HMCN1: variants seen among roughly 807,000 people sequenced by gnomAD.
HMCN1 encodes the protein hemicentin 1, also known as hemicentin-1.
A neutral mutation model predicts 625.9 loss-of-function variants in HMCN1; 321 were observed. That is an observed-to-expected ratio of 0.51 (90% CI 0.47 to 0.56). HMCN1 has a LOEUF of 0.56. HMCN1 is among the 20% of genes least tolerant of loss of function. HMCN1 has a pLI of 0.00. For synonymous variants in HMCN1, 2,425 were observed against 2,417.6 expected (o/e 1.00, Z -0.09); for missense variants, 6,588 against 6,887.3 (o/e 0.96, Z 1.54).
rs553399524 is a variant in HMCN1 at position 185,908,468 on chromosome 1, G to A, written c.622-869G>A. On this transcript the variant is annotated intron_variant, in intron 4 of 106. Coordinates refer to ENST00000271588, the MANE Select transcript of HMCN1 (RefSeq NM_031935.3). ...TACGTAAACCAGAGAAAGATGAGGT[G>A]ATCAAAGGTTATCATGACTAAAATT... Among the ~76,000 whole-genome samples, 8 of 152,068 alleles carry A rather than the reference G, an allele frequency of 5.3e-5. No individual in the cohort carries two copies. The East Asian group carries it at 1.4e-3, about 26-fold the overall frequency.
At chr1:185,938,736 C>CT (rs200833933) in intron 11 of HMCN1, among the ~76,000 whole-genome samples, 1,678 of 152,208 alleles carry the variant, frequency 0.011, 7 homozygotes, top group Middle Eastern at 0.02. Context: ...CTGATGTTGG[C>CT]TGTGTTCTCA....
At position 186,055,660 on chromosome 1, in the gene HMCN1, A is replaced by T. The variant is rs371803532; in HGVS notation, c.7130A>T (p.Asp2377Val). ...GCAGGAATGACTGACAAAAAATATG[A>T]CTTAAGTGTCCATGGTAAGTAGAAA... ...NVAGMTDKKY[D>V]LSVHAPPSII... The change falls in exon 45 of 107, where the codon GAC becomes GTC. Residue 2377 changes from aspartate (D) to valine (V), a missense_variant. Coordinates refer to ENST00000271588, the MANE Select transcript of HMCN1 (RefSeq NM_031935.3). 1.9e-6 allele frequency: 3 copies of T among 1,612,432 alleles called. No individual in the cohort carries two copies. The African/African-American group carries it at 4.0e-5, about 22-fold the overall frequency.
intron 69 of HMCN1, 109 bp downstream of exon 69, chr1:186,103,777 G>C (rs963269677): frequency 1.3e-5 from 12 of 904,018 alleles, no homozygotes; most frequent in Non-Finnish European, 1.9e-5. Context: ...TCACAGATCT[G>C]TGTAACTGGA....
rs773003794 is a variant in HMCN1 at position 185,864,676 on chromosome 1, A to G, written c.498+48A>G. The G allele has an allele frequency of 1.0e-5, 16 of 1,566,840 alleles. No individual in the cohort carries two copies. In the Admixed American group the frequency reaches 1.7e-4, roughly 17 times the overall value. ...CGTCTCTGTCTAAATGCAGTATGTA[A>G]GAGATTGCCTGTCCTCTTTGACTCT... On this transcript the variant is annotated intron_variant, in intron 3 of 106. Coordinates refer to ENST00000271588, the MANE Select transcript of HMCN1 (RefSeq NM_031935.3).
intron 1 of HMCN1, among the ~76,000 whole-genome samples, chr1:185,743,944 A>G (rs1654173086): frequency 6.6e-6 from 1 of 151,580 alleles, no homozygotes; most frequent in South Asian, 2.1e-4. Flanking sequence ...CTAAAAAATT[A>G]CATAGAAAAA....
intron 11 of HMCN1, among the ~76,000 whole-genome samples, chr1:185,948,453 G>A (rs1345969661): frequency 6.7e-6 from 1 of 149,810 alleles, no homozygotes; most frequent in Non-Finnish European, 1.5e-5. Context: ...TCAAAGGGGG[G>A]TTGTTCTCTG....
chr1:186,063,067 C>CGTATATATATAT (rs1491268573), intron 48 of HMCN1, among the ~76,000 whole-genome samples: 5 of 59,840 alleles, frequency 8.4e-5, no homozygotes, highest in African/African-American at 4.8e-4. Context: ...TGTGTGTGTG[C>CGTATATATATAT]ATATATATAT....
At chr1:185,802,200 G>C (rs1229124855) in intron 1 of HMCN1, among the ~76,000 whole-genome samples, 7 of 152,048 alleles carry the variant, frequency 4.6e-5, no homozygotes, top group Non-Finnish European at 7.4e-5. Context: ...CTAAGTTTTT[G>C]GATTGTGCAA....
chr1:185,810,195 A>C (rs1160607289), intron 1 of HMCN1, among the ~76,000 whole-genome samples: 1 of 152,104 alleles, frequency 6.6e-6, no homozygotes, highest in Non-Finnish European at 1.5e-5. Flanking sequence ...AATCCAATCT[A>C]GTCTCTTTCA....
At chr1:185,796,777 T>G (rs561849061) in intron 1 of HMCN1, among the ~76,000 whole-genome samples, 1 of 152,340 alleles carries the variant, frequency 6.6e-6, no homozygotes, top group East Asian at 1.9e-4. Context: ...CTCCATATCT[T>G]TCCTATTGTG....
chr1:185,989,535 T>G lies in HMCN1; in HGVS notation c.3096T>G (p.Ala1032=). The G allele has an allele frequency of 6.2e-7, 1 of 1,614,084 alleles. No homozygotes were observed. Among genetic ancestry groups the G allele is most frequent in the Non-Finnish European group, 8.5e-7 (1 of 1,179,988 alleles). The change falls in exon 21 of 107, where the codon GCT becomes GCG. Residue 1032 remains alanine, a synonymous_variant. Transcript: ENST00000271588. ...GCAGTGCTAAGTTTTCAGCAGGAGC[T>G]GATGGTAGTCTGTATGTGGTATCAC... The part of the protein sequence containing the change: ...STSSAKFSAG[A]DGSLYVVSPG...
chr1:185,964,039 A>G (rs1460299688), intron 13 of HMCN1, 144 bp downstream of exon 13: 2 of 723,874 alleles, frequency 2.8e-6, no homozygotes, highest in Non-Finnish European at 4.6e-6. Context: ...GATTGAAGCA[A>G]ATATTGTAAC....
At chr1:186,078,685 T>C (rs193263937) in intron 55 of HMCN1, among the ~76,000 whole-genome samples, 5 of 152,340 alleles carry the variant, frequency 3.3e-5, no homozygotes, top group African/African-American at 9.6e-5. Context: ...GTATTTACAA[T>C]TGAAGCCCTA....
intron 1 of HMCN1, among the ~76,000 whole-genome samples, chr1:185,785,592 C>G (rs543670387): frequency 6.6e-6 from 1 of 152,254 alleles, no homozygotes; most frequent in African/African-American, 2.4e-5. Context: ...CTTCTCTTCA[C>G]CCATGTTTTA....
chr1:185,759,083 C>T (rs530458956), intron 1 of HMCN1, among the ~76,000 whole-genome samples: 39 of 152,320 alleles, frequency 2.6e-4, no homozygotes, highest in Non-Finnish European at 2.8e-4. Context: ...AAAGCAATAG[C>T]TGTACTAGAA....
At chr1:185,825,308 C>CT (rs1660448812) in intron 1 of HMCN1, among the ~76,000 whole-genome samples, 1 of 152,036 alleles carries the variant, frequency 6.6e-6, no homozygotes, top group Admixed American at 6.6e-5. Context: ...AAATTCAGTG[C>CT]TTTTTCTATT....
intron 44 of HMCN1, among the ~76,000 whole-genome samples, chr1:186,054,279 A>G (rs550254905): frequency 1.3e-5 from 2 of 152,096 alleles, no homozygotes; most frequent in Non-Finnish European, 2.9e-5. Flanking sequence ...AAGGGGGAGC[A>G]TTTTAACATA....
At chr1:186,083,168 A>G (rs1228978942) in intron 57 of HMCN1, among the ~76,000 whole-genome samples, 1 of 152,136 alleles carries the variant, frequency 6.6e-6, no homozygotes, top group East Asian at 1.9e-4. Context: ...TTTTTATATT[A>G]CTTCAGTGTC....
At chr1:186,088,961 A>C (rs1659687514) in intron 63 of HMCN1, among the ~76,000 whole-genome samples, 1 of 151,982 alleles carries the variant, frequency 6.6e-6, no homozygotes, top group Non-Finnish European at 1.5e-5. Flanking sequence ...GAATAGTGGA[A>C]ATTTGGTAAT....
Sources: allele counts gnomAD v4.1 joint callset (sites outside exome capture counted in the v4.1 genomes callset), GRCh38; gene constraint gnomAD v4.1.1; transcripts MANE v1.5; gene names NCBI Gene and HGNC (gene_info 2026-07-23, HGNC 2026-07-21).